SPPL2A: variants seen among roughly 807,000 people sequenced by gnomAD.
The protein encoded by SPPL2A is signal peptide peptidase like 2A, also known as signal peptide peptidase-like 2A.
In SPPL2A, 51 loss-of-function variants were observed where a neutral mutation model predicts 63.8. The ratio of observed to expected loss-of-function variants is 0.80; its 90% CI spans 0.64 to 1.01. SPPL2A has a LOEUF of 1.01. SPPL2A is among the 50% of genes least tolerant of loss of function. The pLI is 0.00. For synonymous variants in SPPL2A, 188 were observed against 205.8 expected (o/e 0.91, Z 0.74); for missense variants, 553 against 622.7 (o/e 0.89, Z 1.19).
chr15:50,724,610 A>C (rs2062672261), intron 12 of SPPL2A, among the ~76,000 whole-genome samples: 1 of 151,810 alleles, frequency 6.6e-6, no homozygotes, highest in Non-Finnish European at 1.5e-5. Context: ...AGAAGGAAAA[A>C]CTCAGTTGAT....
At chr15:50,722,014 A>C (rs1300685811) in intron 13 of SPPL2A, 110 bp downstream of exon 13, 6 of 642,522 alleles carry the variant, frequency 9.3e-6, no homozygotes, top group Non-Finnish European at 1.7e-5. Flanking sequence ...CTAGGACTCC[A>C]GGGGTGAACC....
intron 1 of SPPL2A, among the ~76,000 whole-genome samples, chr15:50,753,298 T>A (rs1423803548): frequency 2.0e-5 from 3 of 152,212 alleles, no homozygotes; most frequent in African/African-American, 7.2e-5. Context: ...ATAAAGAGGC[T>A]ATTAAAAGAA....
intron 14 of SPPL2A, among the ~76,000 whole-genome samples, chr15:50,714,391 G>A (rs552522798): frequency 3.9e-5 from 6 of 152,112 alleles, no homozygotes; most frequent in Non-Finnish European, 8.8e-5. Context: ...CAGCACTTTG[G>A]GAGGCCGAGG....
chr15:50,731,026 A>G lies in SPPL2A; in HGVS notation c.1028T>C (p.Leu343Pro), dbSNP rs1162024380. 11 of 1,471,748 alleles carry G rather than the reference A, an allele frequency of 7.5e-6. No homozygotes were observed. Among genetic ancestry groups the G allele is most frequent in the Non-Finnish European group, 1.0e-5 (11 of 1,053,494 alleles). 91.2% of individuals were successfully genotyped at this position (1,471,748 alleles called of 1,614,324 possible). The change falls in exon 10 of 15, where the codon CTT becomes CCT. Residue 343 changes from leucine (L) to proline (P), a missense_variant. Leu to Pro is a moderately conservative substitution (Grantham distance 98). Transcript: ENST00000261854. Reference sequence around the variant, plus strand: ...ATCATAGAGGAGGAGAAGGCCTAGAAGTATCACACATGACTGTCAAAGAAA... The same window carrying G: ...ATCATAGAGGAGGAGAAGGCCTAGAGGTATCACACATGACTGTCAAAGAAA... ...KLPNFKSCVI[L>P]LGLLLLYDVF...
intron 12 of SPPL2A, 64 bp downstream of exon 12, chr15:50,725,157 T>C (rs2062675859): frequency 1.0e-6 from 1 of 961,098 alleles, no homozygotes; most frequent in African/African-American, 1.6e-5. Context: ...ACAGATTCTA[T>C]ACATATGACG....
chr15:50,748,019 G>C (rs997508568), intron 4 of SPPL2A, 94 bp downstream of exon 4: 2 of 550,360 alleles, frequency 3.6e-6, no homozygotes, highest in South Asian at 4.6e-5. Context: ...TTAGCAAATG[G>C]AGCAAATATA....
chr15:50,715,832 C>G (rs2062595518), intron 14 of SPPL2A, among the ~76,000 whole-genome samples: 1 of 152,038 alleles, frequency 6.6e-6, no homozygotes, highest in Admixed American at 6.6e-5. Context: ...ACTAGAATTA[C>G]TATAATGAAC....
chr15:50,755,447 C>T (rs1453947624), intron 1 of SPPL2A, among the ~76,000 whole-genome samples: 1 of 151,666 alleles, frequency 6.6e-6, no homozygotes, highest in Non-Finnish European at 1.5e-5. Flanking sequence ...ATGGAGAGAT[C>T]TCGTTTCTAC....
intron 6 of SPPL2A, 110 bp from the exon 7 acceptor site, chr15:50,736,850 A>G (rs1384217092): frequency 3.5e-6 from 2 of 577,760 alleles, no homozygotes; most frequent in Admixed American, 2.9e-5. Context: ...CATACTTCCA[A>G]TGAAGTGACT....
intron 6 of SPPL2A, among the ~76,000 whole-genome samples, chr15:50,739,095 G>A (rs2062797130): frequency 6.6e-6 from 1 of 150,782 alleles, no homozygotes; most frequent in Non-Finnish European, 1.5e-5. Context: ...CATCTACAGA[G>A]AGGAAAACTT....
In SPPL2A at chr15:50,763,525, CACA is replaced by C. The variant is rs554466986; in HGVS notation, c.66+1940_66+1942del. On this transcript the variant is annotated intron_variant, in intron 1 of 14. Coordinates refer to ENST00000261854, the MANE Select transcript of SPPL2A (RefSeq NM_032802.4). ...GTGTAGAAAAATGTTACTTAATCTTCACAACAACCCTAGAACCGAGGAATATAG... is the reference window on the plus strand; with the variant it reads ...GTGTAGAAAAATGTTACTTAATCTTCACAACCCTAGAACCGAGGAATATAG... 3.9e-5 allele frequency among the ~76,000 whole-genome samples: 6 copies of C among 152,320 alleles called. No homozygotes were observed. The East Asian group carries it at 1.2e-3, about 29-fold the overall frequency.
At chr15:50,747,443 G>A (rs1251961243) in intron 5 of SPPL2A, 52 bp downstream of exon 5, 2 of 1,458,148 alleles carry the variant, frequency 1.4e-6, no homozygotes, top group Admixed American at 2.1e-5. Context: ...TAAAATGATT[G>A]CAGAAATTTT....
intron 10 of SPPL2A, among the ~76,000 whole-genome samples, chr15:50,730,636 A>G (rs764273123): frequency 3.3e-5 from 5 of 152,164 alleles, no homozygotes; most frequent in Non-Finnish European, 7.4e-5. Flanking sequence ...GCTCTTTCTT[A>G]GTCTCAAACT....
intron 6 of SPPL2A, among the ~76,000 whole-genome samples, chr15:50,739,103 C>T (rs1259844140): frequency 6.7e-6 from 1 of 149,418 alleles, no homozygotes; most frequent in Non-Finnish European, 1.5e-5. Context: ...GAGAGGAAAA[C>T]TTAGGGACCA....
chr15:50,735,932 G>A (rs916065338), intron 8 of SPPL2A, among the ~76,000 whole-genome samples, 169 bp downstream of exon 8: 3 of 152,094 alleles, frequency 2.0e-5, no homozygotes, highest in African/African-American at 7.2e-5. Context: ...TTCTCTATAT[G>A]AGTTCAAATG....
At chr15:50,749,849 G>C in intron 1 of SPPL2A, 103 bp from the exon 2 acceptor site, 1 of 716,686 alleles carries the variant, frequency 1.4e-6, no homozygotes, top group Non-Finnish European at 2.5e-6. Flanking sequence ...ACATTTCCTT[G>C]AGAGGGATGG....
chr15:50,751,145 T>C (rs2062902348), intron 1 of SPPL2A, among the ~76,000 whole-genome samples: 1 of 152,206 alleles, frequency 6.6e-6, no homozygotes, highest in Non-Finnish European at 1.5e-5. Context: ...GCCATCAGAT[T>C]ACATAGAATT....
At chr15:50,745,669 T>A (rs1304550824) in intron 5 of SPPL2A, among the ~76,000 whole-genome samples, 1 of 150,686 alleles carries the variant, frequency 6.6e-6, no homozygotes, top group Non-Finnish European at 1.5e-5. Flanking sequence ...CACCTCCACC[T>A]CCTGAGTAGC....
chr15:50,709,965 C>G (rs1296633633), intron 14 of SPPL2A, among the ~76,000 whole-genome samples: 1 of 151,990 alleles, frequency 6.6e-6, no homozygotes, highest in African/African-American at 2.4e-5. Context: ...AGACAGATAA[C>G]ATTAAGCAGT....
Sources: allele counts gnomAD v4.1 joint callset (sites outside exome capture counted in the v4.1 genomes callset), GRCh38; gene constraint gnomAD v4.1.1; transcripts MANE v1.5; gene names NCBI Gene and HGNC (gene_info 2026-07-23, HGNC 2026-07-21).